The following LYPD4 variants were observed in gnomAD, a reference collection of about 807,000 sequenced individuals.
The protein encoded by LYPD4 is LY6/PLAUR domain containing 4.
A neutral mutation model predicts 18.2 loss-of-function variants in LYPD4; 20 were observed. That is an observed-to-expected ratio of 1.10 (90% confidence interval 0.77 to 1.59). The LOEUF (loss-of-function observed/expected upper bound fraction) is 1.59, where lower values mean the gene tolerates loss of function less well. LYPD4 is among the 40% of genes most tolerant of loss of function. LYPD4 has a pLI of 0.00. For synonymous variants in LYPD4, 111 were observed against 118.3 expected (o/e 0.94, Z 0.40); for missense variants, 278 against 300.3 (o/e 0.93, Z 0.55).
In LYPD4 at chr19:41,839,380, G is replaced by T; in HGVS notation, c.-95C>A. On this transcript the variant is annotated 5_prime_UTR_variant, in exon 2 of 5. Coordinates refer to ENST00000609812, the MANE Select transcript of LYPD4 (RefSeq NM_173506.7). ...GTTCCCATCAGTCCCCGAATTCTTTGTCCACCTGTCTCTGGGTCACTGTTT... is the reference window on the plus strand; with the variant it reads ...GTTCCCATCAGTCCCCGAATTCTTTTTCCACCTGTCTCTGGGTCACTGTTT... The T allele has an allele frequency of 8.6e-7, 1 of 1,168,694 alleles. No homozygotes were observed. Among genetic ancestry groups the T allele is most frequent in the Non-Finnish European group, 1.3e-6 (1 of 782,080 alleles). 72.4% of individuals were successfully genotyped at this position (1,168,694 alleles called of 1,614,324 possible). A position where few individuals can be genotyped will look rare whatever the true frequency, so the allele number is the denominator to read the frequency against.
Position 41,840,331 on chromosome 19 carries a change from G to A in LYPD4, c.-120-926C>T, listed in dbSNP as rs115611601. Among the ~76,000 whole-genome samples the A allele has an allele frequency of 1.4e-3, 214 of 152,222 alleles. 1 individual carries two copies. The highest frequency in any genetic ancestry group is 4.9e-3 in the African/African-American group (204 of 41,522). Reference sequence around the variant, plus strand: ...GGTCCCAGCTACTTGGGAGGCTGAGGTGGGAGGACCACTTGAGCCCCGGGG... The same window carrying A: ...GGTCCCAGCTACTTGGGAGGCTGAGATGGGAGGACCACTTGAGCCCCGGGG... On this transcript the variant is annotated intron_variant, in intron 1 of 4. Transcript: ENST00000609812.
chr19:41,840,062 A>G (rs1001117677), intron 1 of LYPD4, among the ~76,000 whole-genome samples: 7 of 152,034 alleles, frequency 4.6e-5, no homozygotes, highest in Non-Finnish European at 7.4e-5. Flanking sequence ...AAAAAAAAAA[A>G]AGTATTTAGA....
chr19:41,838,852 C>T (rs927698236), intron 3 of LYPD4, 29 bp downstream of exon 3: 10 of 1,610,848 alleles, frequency 6.2e-6, no homozygotes, highest in South Asian at 4.4e-5. Flanking sequence ...GCAAGCAAAA[C>T]GAAATTGATC....
At position 41,839,026 on chromosome 19, in the gene LYPD4, TAA is replaced by T; in HGVS notation, c.68-4_68-3del. 6.2e-7 allele frequency: 1 copy of T among 1,612,998 alleles called. No individual in the cohort carries two copies. Among genetic ancestry groups the T allele is most frequent in the Non-Finnish European group, 8.5e-7 (1 of 1,179,818 alleles). ...CATAGCACAAAAGAGCTCCAGCCCC[TAA>T]AAAGAGAATGCTCTCCCAGTCATTG... On this transcript the variant is annotated splice_polypyrimidine_tract_variant and splice_region_variant and intron_variant, in intron 2 of 4. Coordinates refer to ENST00000609812, the MANE Select transcript of LYPD4 (RefSeq NM_173506.7).
At chr19:41,840,135 GACACACACATAC>G (rs1207758972) in intron 1 of LYPD4, among the ~76,000 whole-genome samples, 2 of 151,098 alleles carry the variant, frequency 1.3e-5, no homozygotes, top group Admixed American at 6.6e-5. Flanking sequence ...GACACAGACA[GACACACACATAC>G]ACACACACAC....
At chr19:41,841,121 C>T (rs2073573587) in intron 1 of LYPD4, among the ~76,000 whole-genome samples, 1 of 152,166 alleles carries the variant, frequency 6.6e-6, no homozygotes, top group Non-Finnish European at 1.5e-5. Context: ...AGTTAGTTCG[C>T]TGGCAAATCT....
chr19:41,842,971 A>G (rs782702290), intron 1 of LYPD4, among the ~76,000 whole-genome samples: 3 of 140,852 alleles, frequency 2.1e-5, no homozygotes, highest in Admixed American at 7.6e-5. Flanking sequence ...GCCAAGGCAG[A>G]CAGATCACTT....
At position 41,838,837 on chromosome 19, in the gene LYPD4, G is replaced by A. The variant is rs1453039050; in HGVS notation, c.211+44C>T. On this transcript the variant is annotated intron_variant, in intron 3 of 4. Transcript: ENST00000609812. ...GTGCTGGGAGTGGAGCTGGGGGTCA[G>A]AAGAGCAAGCAAAACGAAATTGATC... 3.1e-6 allele frequency: 5 copies of A among 1,606,736 alleles called. No homozygotes were observed. In the Admixed American group the frequency reaches 6.7e-5, roughly 22 times the overall value.
rs1457484431 is a variant in LYPD4, at chr19:41,838,008, T to C, written c.465A>G (p.Pro155=). The C allele has an allele frequency of 6.2e-7, 1 of 1,614,112 alleles. No individual in the cohort carries two copies. The highest frequency in any genetic ancestry group is 8.5e-7 in the Non-Finnish European group (1 of 1,179,996). Reference sequence around the variant, plus strand: ...GGCAAGAATTAGTGGTGACAAAATTTGGGAGGCAATCCTTCATGTGCTCGC... The same window carrying C: ...GGCAAGAATTAGTGGTGACAAAATTCGGGAGGCAATCCTTCATGTGCTCGC... ...CVGEHMKDCL[P]NFVTTNSCPL... Residue 155 remains proline (P), a synonymous_variant, in exon 4 of 5, where the codon CCA becomes CCG. Coordinates refer to ENST00000609812, the MANE Select transcript of LYPD4 (RefSeq NM_173506.7).
At chr19:41,836,320 A>AAAAAAAAAAAAAAT (rs2073373159), downstream of LYPD4, among the ~76,000 whole-genome samples, 1 of 137,464 alleles carries the variant, frequency 7.3e-6, no homozygotes, top group African/African-American at 2.6e-5. Flanking sequence ...AAAAAAAAAA[A>AAAAAAAAAAAAAAT]AAAAAAACAA....
chr19:41,838,730 T>C (rs1037162986), intron 3 of LYPD4, 151 bp downstream of exon 3: 1 of 384,102 alleles, frequency 2.6e-6, no homozygotes, highest in East Asian at 8.2e-5. Context: ...ACTCCCCATC[T>C]CAAAAAAAAT....
At chr19:41,840,481 A>G (rs1310770823) in intron 1 of LYPD4, among the ~76,000 whole-genome samples, 3 of 152,256 alleles carry the variant, frequency 2.0e-5, no homozygotes, top group Non-Finnish European at 4.4e-5. Context: ...AAGGGACTCT[A>G]TGTACCACTT....
At position 41,837,120 on chromosome 19, in the gene LYPD4, G is replaced by A. The variant is rs1206293737; in HGVS notation, c.*23C>T. 2 of 1,613,320 alleles carry A rather than the reference G, an allele frequency of 1.2e-6. No homozygotes were observed. The highest frequency in any genetic ancestry group is 2.7e-5 in the African/African-American group (2 of 74,892). Reference sequence around the variant, plus strand: ...ATTTGTTATGTGAAAGAGTCTGGGTGCTTGTCGGGTGCAGCTAGATGGTCA... The same window carrying A: ...ATTTGTTATGTGAAAGAGTCTGGGTACTTGTCGGGTGCAGCTAGATGGTCA... On this transcript the variant is annotated 3_prime_UTR_variant, in exon 5 of 5. Coordinates refer to ENST00000609812, the MANE Select transcript of LYPD4 (RefSeq NM_173506.7).
intron 1 of LYPD4, among the ~76,000 whole-genome samples, chr19:41,842,870 A>G (rs1369468983): frequency 6.7e-6 from 1 of 149,700 alleles, no homozygotes; most frequent in East Asian, 1.9e-4. Flanking sequence ...TATTACAAAT[A>G]GTATATAACA....
chr19:41,837,663 C>T (rs2073410708), intron 4 of LYPD4, among the ~76,000 whole-genome samples: 1 of 151,464 alleles, frequency 6.6e-6, no homozygotes, highest in African/African-American at 2.4e-5. Context: ...CACTGCACTC[C>T]AGCCTGGGCA....
At chr19:41,838,515 T>C (rs568969955) in intron 3 of LYPD4, among the ~76,000 whole-genome samples, 1 of 152,098 alleles carries the variant, frequency 6.6e-6, no homozygotes, top group East Asian at 1.9e-4. Flanking sequence ...CAGGGATCTG[T>C]CCACCTCCAT....
chr19:41,835,840 G>A, downstream of LYPD4: 5 of 985,412 alleles, frequency 5.1e-6, no homozygotes, highest in Non-Finnish European at 6.0e-6. Flanking sequence ...TGGCCTTGAG[G>A]AGTTAAGCCT....
downstream of LYPD4, chr19:41,835,397 A>G (rs2073361414): frequency 6.6e-6 from 1 of 152,216 alleles, no homozygotes; most frequent in Admixed American, 6.5e-5. Context: ...CTAGGACACC[A>G]TTTCCTTTGA....
At chr19:41,841,665 CAAAAAAA>C (rs587607752) in intron 1 of LYPD4, among the ~76,000 whole-genome samples, 1 of 85,574 alleles carries the variant, frequency 1.2e-5, no homozygotes, top group African/African-American at 5.1e-5. Context: ...GACCCTGTCT[CAAAAAAA>C]AAAAAAAAAA....
Sources: allele counts gnomAD v4.1 joint callset (sites outside exome capture counted in the v4.1 genomes callset), GRCh38; gene constraint gnomAD v4.1.1; transcripts MANE v1.5; gene names NCBI Gene and HGNC (gene_info 2026-07-23, HGNC 2026-07-21).